Variants in TRIOBP observed in about 807,000 individuals in gnomAD.
The protein encoded by TRIOBP is TRIO and F-actin-binding protein.
Under a neutral mutation model 238.8 loss-of-function variants are expected in TRIOBP, and 169 were observed. That is an observed-to-expected ratio of 0.71 (90% confidence interval 0.62 to 0.80). TRIOBP has a LOEUF of 0.80. Ranked by LOEUF, TRIOBP falls within the 30% of genes least tolerant of loss-of-function variation. The pLI is 0.00. For synonymous variants in TRIOBP, 1,150 were observed against 1,274.4 expected, an observed-to-expected ratio of 0.90 and a Z score of 2.08; for missense variants, 2,838 against 3,122.6, an observed-to-expected ratio of 0.91 and a Z score of 2.17.
intron 3 of TRIOBP, among the ~76,000 whole-genome samples, chr22:37,703,124 T>C (rs1318155791): frequency 6.6e-6 from 1 of 152,054 alleles, no homozygotes; most frequent in African/African-American, 2.4e-5. Flanking sequence ...GCCTCCTGAG[T>C]ACCTGGGATT....
Position 37,725,941 on chromosome 22 carries a change from G to T in TRIOBP, c.3385G>T (p.Ala1129Ser), listed in dbSNP as rs1414212558. The change falls in exon 7 of 24, where the codon GCC (alanine) becomes TCC (serine). Residue 1129 changes from alanine to serine, a missense_variant. This residue lies in a region of TRIOBP where 2,096 missense variants were observed against 2,137.4 expected (regional missense o/e 0.98). Transcript: ENST00000644935. ...CCGGGCCTCCTCCCCACCACGCCAG[G>T]CCCCAGAGCCTTCCCTCTTATTCCA... ...APRASSPPRQ[A>S]PEPSLLFQDL... The T allele has an allele frequency of 6.3e-7, 1 of 1,592,974 alleles. No homozygotes were observed.
chr22:37,708,582 G>A (rs574234399), intron 3 of TRIOBP, among the ~76,000 whole-genome samples: 4 of 152,304 alleles, frequency 2.6e-5, no homozygotes, highest in South Asian at 2.1e-4. Flanking sequence ...ATATTAACTC[G>A]TTTAATTCTC....
At chr22:37,700,838 CG>C (rs1203679828) in intron 2 of TRIOBP, among the ~76,000 whole-genome samples, 1 of 152,084 alleles carries the variant, frequency 6.6e-6, no homozygotes, top group Non-Finnish European at 1.5e-5. Flanking sequence ...ATTACAGGCA[CG>C]TGCCATCACA....
At chr22:37,711,271 AAAACAAAC>A (rs1436192820) in intron 4 of TRIOBP, among the ~76,000 whole-genome samples, 2 of 152,188 alleles carry the variant, frequency 1.3e-5, no homozygotes, top group Admixed American at 6.5e-5. Context: ...TAGGCATATT[AAAACAAAC>A]AAACAAACAA....
At chr22:37,743,838 T>TGTGTGC (rs1555898391) in intron 11 of TRIOBP, among the ~76,000 whole-genome samples, 7 of 120,310 alleles carry the variant, frequency 5.8e-5, no homozygotes, top group African/African-American at 1.9e-4. Flanking sequence ...TGTGTGTGTG[T>TGTGTGC]GTGTGTGCTG....
intron 11 of TRIOBP, among the ~76,000 whole-genome samples, chr22:37,745,718 A>G (rs775932252): frequency 7.9e-5 from 12 of 152,180 alleles, no homozygotes; most frequent in Non-Finnish European, 1.0e-4. Flanking sequence ...TTAGCAAAAT[A>G]AGACCTCCCT....
rs1180717810 is a variant in TRIOBP at position 37,746,044 on chromosome 22, C to CCCCGCCGTCCCGCCGT, written c.5322+5020_5322+5035dup. On this transcript the variant is annotated intron_variant, in intron 11 of 23. Coordinates refer to ENST00000644935, the MANE Select transcript of TRIOBP (RefSeq NM_001039141.3). Reference sequence around the variant, plus strand: ...CCTTCCCTGCGGCCCCATCCGCCCACCCCGCCGTCCCGCCGTCCCGCCGCC... The same window carrying CCCCGCCGTCCCGCCGT: ...CCTTCCCTGCGGCCCCATCCGCCCACCCCGCCGTCCCGCCGTCCCGCCGTCCCGCCGTCCCGCCGCC... Among the ~76,000 whole-genome samples the CCCCGCCGTCCCGCCGT allele has an allele frequency of 0.23, 30,522 of 134,434 alleles. 4,286 individuals carry two copies. The highest frequency in any genetic ancestry group is 0.34 in the South Asian group (1,341 of 3,936). The allele number at this position is 134,434 out of a possible 152,430, so 88.2% of individuals were successfully genotyped here.
intron 6 of TRIOBP, among the ~76,000 whole-genome samples, chr22:37,719,971 A>ACTCACTGTTTCACTCATCACACTGCC: frequency 2.4e-5 from 3 of 124,680 alleles, no homozygotes; most frequent in African/African-American, 3.4e-5. Context: ...CCCACACTGC[A>ACTCACTGTTTCACTCATCACACTGCC]CTCACTGTTT....
intron 3 of TRIOBP, among the ~76,000 whole-genome samples, chr22:37,701,985 C>A (rs1160898363): frequency 1.3e-5 from 2 of 152,054 alleles, no homozygotes; most frequent in Admixed American, 6.6e-5. Flanking sequence ...TGCCTGTAAT[C>A]CCAGCTACTT....
chr22:37,754,474 G>A (rs1925804534), intron 12 of TRIOBP, among the ~76,000 whole-genome samples: 1 of 151,316 alleles, frequency 6.6e-6, no homozygotes, highest in Non-Finnish European at 1.5e-5. Context: ...CCTACTCCAG[G>A]GCTCCATCCA....
intron 11 of TRIOBP, among the ~76,000 whole-genome samples, chr22:37,746,747 C>T (rs1050615895): frequency 6.6e-6 from 1 of 152,250 alleles, no homozygotes; most frequent in Non-Finnish European, 1.5e-5. Context: ...TTCCCACCTC[C>T]CCTCCAGCCC....
intron 3 of TRIOBP, among the ~76,000 whole-genome samples, chr22:37,702,015 A>T (rs1922676907): frequency 6.6e-6 from 1 of 152,068 alleles, no homozygotes; most frequent in Non-Finnish European, 1.5e-5. Context: ...AGGCAGGAGA[A>T]TCACTTGAAC....
intron 14 of TRIOBP, 60 bp from the exon 15 acceptor site, chr22:37,755,490 A>G: frequency 6.9e-7 from 1 of 1,448,528 alleles, no homozygotes; most frequent in Admixed American, 1.7e-5. Context: ...TGGGGTCCAT[A>G]GTGGGGAGGG....
intron 2 of TRIOBP, among the ~76,000 whole-genome samples, chr22:37,699,184 A>G (rs1050988768): frequency 2.6e-5 from 4 of 152,152 alleles, no homozygotes; most frequent in Admixed American, 2.6e-4. Flanking sequence ...AAAACACATT[A>G]GGATTTCTTT....
At chr22:37,713,548 G>A (rs1004539433) in intron 5 of TRIOBP, 137 bp downstream of exon 5, 324 of 1,125,538 alleles carry the variant, frequency 2.9e-4, no homozygotes, top group Non-Finnish European at 4.0e-4. Flanking sequence ...CCATTAGCTG[G>A]CAGCTCGGGC....
rs576733213 is a variant in TRIOBP, at chr22:37,770,047, T to TA, written c.6849+672_6849+673insA. ...CCGGCCTTAGTATTTATTTCTTTAC[T>TA]TTTTTTTTTTTTTTGAGACAGAGTT... On this transcript the variant is annotated intron_variant, in intron 21 of 23. Coordinates refer to ENST00000644935, the MANE Select transcript of TRIOBP (RefSeq NM_001039141.3). Among the ~76,000 whole-genome samples, 756 of 134,566 alleles carry TA rather than the reference T, an allele frequency of 5.6e-3. 12 individuals carry two copies. The highest frequency in any genetic ancestry group is 7.3e-3 in the Non-Finnish European group (461 of 63,184). The allele number at this position is 134,566 out of a possible 152,430, so 88.3% of individuals were successfully genotyped here.
At chr22:37,731,470 T>TA (rs1569044914) in intron 7 of TRIOBP, among the ~76,000 whole-genome samples, 580 of 38,454 alleles carry the variant, frequency 0.015, 1 homozygote, top group African/African-American at 0.022. Flanking sequence ...ATATATATAT[T>TA]TTTTGAGACA....
intron 18 of TRIOBP, among the ~76,000 whole-genome samples, chr22:37,767,059 T>C (rs1372046689): frequency 6.6e-6 from 1 of 152,048 alleles, no homozygotes; most frequent in Admixed American, 6.5e-5. Flanking sequence ...AAGACCAGCC[T>C]GGCCAAGATG....
rs1354287101 is a variant in TRIOBP, at chr22:37,726,091, C to T, written c.3535C>T (p.Arg1179Cys). The T allele has an allele frequency of 4.5e-6, 7 of 1,556,372 alleles. No homozygotes were observed. Among genetic ancestry groups the T allele is most frequent in the Middle Eastern group, 1.7e-4 (1 of 5,842 alleles). ...TGCACCCTCCTTCTCATCCCCACCA[C>T]GCCAGGCTCCTGAGCCATCCCTCTT... ...RDAPSFSSPP[R>C]QAPEPSLFFQ... The change falls in exon 7 of 24, where the codon CGC becomes TGC. Residue 1179 changes from arginine (R) to cysteine (C), a missense_variant. By Grantham distance (180) the Arg-to-Cys change is radical. Coordinates refer to ENST00000644935, the MANE Select transcript of TRIOBP (RefSeq NM_001039141.3).
Sources: allele counts gnomAD v4.1 joint callset (sites outside exome capture counted in the v4.1 genomes callset), GRCh38; gene constraint gnomAD v4.1.1; regional missense constraint gnomAD v4.1.1; transcripts MANE v1.5; gene names NCBI Gene and HGNC (gene_info 2026-07-23, HGNC 2026-07-21).